UBE2Q2: variants seen among roughly 807,000 people sequenced by gnomAD.
The protein encoded by UBE2Q2 is ubiquitin conjugating enzyme E2 Q2.
Under a neutral mutation model 59.9 loss-of-function variants are expected in UBE2Q2, and 54 were observed. The observed-to-expected ratio is 0.90, with a 90% CI of 0.72 to 1.13. The LOEUF (loss-of-function observed/expected upper bound fraction) is 1.13, where lower values mean the gene tolerates loss of function less well. Ranked by LOEUF, UBE2Q2 falls within the 50% of genes most tolerant of loss-of-function variation. The pLI is 0.00. For synonymous variants in UBE2Q2, 165 were observed against 155.2 expected (o/e 1.06, Z -0.47); for missense variants, 433 against 441.9 (o/e 0.98, Z 0.18).
At chr15:75,850,162 G>T (rs1010204608) in intron 1 of UBE2Q2, among the ~76,000 whole-genome samples, 2 of 152,136 alleles carry the variant, frequency 1.3e-5, no homozygotes, top group Non-Finnish European at 2.9e-5. Context: ...GTTTCCTGGC[G>T]TGGTGGATAT....
At chr15:75,890,713 A>C (rs1899050440) in intron 10 of UBE2Q2, among the ~76,000 whole-genome samples, 1 of 152,154 alleles carries the variant, frequency 6.6e-6, no homozygotes, top group Admixed American at 6.5e-5. Context: ...TTAAGGTTCT[A>C]ATTTGCTCAT....
At chr15:75,873,329 T>C in intron 4 of UBE2Q2, 99 bp from the exon 5 acceptor site, 1 of 1,223,318 alleles carries the variant, frequency 8.2e-7, no homozygotes, top group Non-Finnish European at 1.1e-6. Context: ...TTGTTTCTTG[T>C]TCCTCATTTG....
chr15:75,854,562 TATG>T, intron 2 of UBE2Q2, 75 bp downstream of exon 2: 1 of 887,292 alleles, frequency 1.1e-6, no homozygotes, highest in East Asian at 2.8e-5. Flanking sequence ...TAAGAGATAA[TATG>T]ATATAAAAGC....
rs781281478 is a variant in UBE2Q2, at chr15:75,854,409, G to A, written c.204G>A (p.Pro68=). The A allele has an allele frequency of 1.6e-5, 26 of 1,612,970 alleles. No homozygotes were observed. The highest frequency in any genetic ancestry group is 2.0e-5 in the Non-Finnish European group (24 of 1,179,388). ...AGGAATCCTATCCATCTTCTTCACCGATATGGTTTGTGGATTCTGAAGACC... is the reference window on the plus strand; with the variant it reads ...AGGAATCCTATCCATCTTCTTCACCAATATGGTTTGTGGATTCTGAAGACC... The part of the protein sequence containing the change: ...NITESYPSSS[P]IWFVDSEDPN... The change falls in exon 2 of 13, where the codon CCG becomes CCA. Residue 68 remains proline, a synonymous_variant. Transcript: ENST00000267938.
At chr15:75,866,379 A>G (rs1274970966) in intron 3 of UBE2Q2, among the ~76,000 whole-genome samples, 1 of 152,020 alleles carries the variant, frequency 6.6e-6, no homozygotes, top group Non-Finnish European at 1.5e-5. Context: ...TGTTTTCACC[A>G]TGTTGCCCAA....
At chr15:75,890,542 T>C (rs1446393330) in intron 10 of UBE2Q2, 59 bp downstream of exon 10, 3 of 1,490,364 alleles carry the variant, frequency 2.0e-6, no homozygotes, top group Non-Finnish European at 2.8e-6. Context: ...ATCATGTAAA[T>C]TAGATTGTAA....
chr15:75,856,483 C>T (rs1475035013), intron 2 of UBE2Q2, among the ~76,000 whole-genome samples: 2 of 151,962 alleles, frequency 1.3e-5, no homozygotes, highest in African/African-American at 4.8e-5. Context: ...CAGAGTCATG[C>T]AAATGAGAAT....
chr15:75,848,938 A>ATATC (rs961188332), intron 1 of UBE2Q2, among the ~76,000 whole-genome samples: 4 of 152,176 alleles, frequency 2.6e-5, no homozygotes, highest in Non-Finnish European at 4.4e-5. Flanking sequence ...GGTGGTTCAG[A>ATATC]TCCTCATCAG....
Position 75,876,262 on chromosome 15 carries a change from T to C in UBE2Q2, c.664T>C (p.Tyr222His). ...ELRDIYRSQSYKTGIYSVELI... is the reference protein window; with the variant it reads ...ELRDIYRSQSHKTGIYSVELI... The stretch of plus-strand genomic sequence containing the variant: ...CAGGGACATATACAGATCACAGAGT[T>C]ATAAAACAGGTAAGGATCTCTGGAT... The change falls in exon 6 of 13, where the codon TAT becomes CAT. Residue 222 changes from tyrosine to histidine, a missense_variant. Tyr to His is a moderately conservative substitution (Grantham distance 83). Transcript: ENST00000267938. The C allele has an allele frequency of 1.2e-6, 2 of 1,613,420 alleles. No homozygotes were observed. Among genetic ancestry groups the C allele is most frequent in the South Asian group, 2.2e-5 (2 of 91,030 alleles).
chr15:75,844,225 G>T (rs1370372066), intron 1 of UBE2Q2: 1 of 1,478,924 alleles, frequency 6.8e-7, no homozygotes, highest in Non-Finnish European at 9.0e-7. Flanking sequence ...AGCTCCGGCT[G>T]TTGTTTGAGC....
chr15:75,871,759 T>G (rs1897807828), intron 4 of UBE2Q2, among the ~76,000 whole-genome samples: 1 of 152,204 alleles, frequency 6.6e-6, no homozygotes, highest in Non-Finnish European at 1.5e-5. Context: ...AAATGGAGTC[T>G]CCTATGTCTA....
rs146082062 is a variant in UBE2Q2, at chr15:75,848,172, T to C, written c.180+4326T>C. Reference sequence around the variant, plus strand: ...AGAGGAAAGCTCTTTGGCAATGATATTATGTTCTACAAATATAAAAGCGAT... The same window carrying C: ...AGAGGAAAGCTCTTTGGCAATGATACTATGTTCTACAAATATAAAAGCGAT... On this transcript the variant is annotated intron_variant, in intron 1 of 12. Coordinates refer to ENST00000267938, the MANE Select transcript of UBE2Q2 (RefSeq NM_173469.4). Among the ~76,000 whole-genome samples, 1,121 of 152,316 alleles carry C rather than the reference T, an allele frequency of 7.4e-3. 15 individuals are homozygous for C. Among genetic ancestry groups the C allele is most frequent in the African/African-American group, 0.024 (1,000 of 41,564 alleles).
intron 4 of UBE2Q2, among the ~76,000 whole-genome samples, chr15:75,871,575 T>G (rs542369811): frequency 6.6e-6 from 1 of 152,342 alleles, no homozygotes; most frequent in African/African-American, 2.4e-5. Context: ...TGGTGATGAC[T>G]CTTAAGGAGC....
chr15:75,878,088 CTTCT>C, intron 7 of UBE2Q2, 67 bp downstream of exon 7: 2 of 1,386,806 alleles, frequency 1.4e-6, no homozygotes, highest in Non-Finnish European at 2.0e-6. Flanking sequence ...GGTTATTTTC[CTTCT>C]AACTTGATAC....
intron 1 of UBE2Q2, among the ~76,000 whole-genome samples, chr15:75,851,532 A>T (rs1896634950): frequency 6.6e-6 from 1 of 152,192 alleles, no homozygotes; most frequent in Non-Finnish European, 1.5e-5. Context: ...GTTTTCAAAA[A>T]TTCTAATTTT....
Position 75,899,682 on chromosome 15 carries a change from T to C in UBE2Q2, c.*224T>C. 1 of 308,682 alleles carries C rather than the reference T, an allele frequency of 3.2e-6. No individual in the cohort carries two copies. Among genetic ancestry groups the C allele is most frequent in the South Asian group, 7.2e-5 (1 of 13,830 alleles). 19.1% of individuals were successfully genotyped at this position (308,682 alleles called of 1,614,324 possible). A position where few individuals can be genotyped will look rare whatever the true frequency, so the allele number is the denominator to read the frequency against. ...AGCAGTGGGGCCTTTACTGTATTTT[T>C]CCTGATAAATACACATACTGGCCAC... On this transcript the variant is annotated 3_prime_UTR_variant, in exon 13 of 13. Transcript: ENST00000267938.
chr15:75,879,390 G>A (rs1393968201), intron 8 of UBE2Q2, among the ~76,000 whole-genome samples: 2 of 152,172 alleles, frequency 1.3e-5, no homozygotes, highest in Non-Finnish European at 2.9e-5. Context: ...GTTTATAATA[G>A]CACCAAATAG....
Position 75,856,681 on chromosome 15 carries a change from C to T in UBE2Q2, c.282+2194C>T, listed in dbSNP as rs574521203. 1.5e-4 allele frequency among the ~76,000 whole-genome samples: 23 copies of T among 152,288 alleles called. No homozygotes were observed. In the East Asian group the frequency reaches 3.1e-3, roughly 20 times the overall value. Reference sequence around the variant, plus strand: ...ACAGAAGGCTGGGCATGATGGCTCACGCCTGTAATCCCAGAACTTTAGGAG... The same window carrying T: ...ACAGAAGGCTGGGCATGATGGCTCATGCCTGTAATCCCAGAACTTTAGGAG... On this transcript the variant is annotated intron_variant, in intron 2 of 12. Transcript: ENST00000267938.
At position 75,866,649 on chromosome 15, in the gene UBE2Q2, C is replaced by T. The variant is rs184506554; in HGVS notation, c.388-2302C>T. Among the ~76,000 whole-genome samples the T allele has an allele frequency of 1.6e-4, 25 of 152,232 alleles. 1 individual carries two copies. The East Asian group carries it at 4.8e-3, about 29-fold the overall frequency. On this transcript the variant is annotated intron_variant, in intron 3 of 12. Coordinates refer to ENST00000267938, the MANE Select transcript of UBE2Q2 (RefSeq NM_173469.4). ...CTTACTTACATCTCTTCTGTTTTCT[C>T]CCCCATCTCCTTTTTTTCTCTGTTC... is the stretch of plus-strand genomic sequence containing the variant.
Sources: gnomAD v4.1 joint callset for allele counts (sites outside exome capture counted in the v4.1 genomes callset) on GRCh38, gnomAD v4.1.1 for gene constraint, MANE v1.5 for transcripts, NCBI Gene and HGNC (gene_info 2026-07-23, HGNC 2026-07-21) for gene names.